CSMD1: variants seen among roughly 807,000 people sequenced by gnomAD.
CSMD1 encodes CUB and sushi domain-containing protein 1.
In CSMD1, 213 loss-of-function variants were observed where a neutral mutation model predicts 417.5. The observed-to-expected ratio is 0.51, with a 90% CI of 0.46 to 0.57. The LOEUF (loss-of-function observed/expected upper bound fraction) is 0.57. Among genes scored for constraint, CSMD1 ranks in the 20% least tolerant of loss-of-function variants. CSMD1 has a pLI of 0.00. For synonymous variants in CSMD1, 2,862 were observed against 1,736.8 expected, an observed-to-expected ratio of 1.65 and a Z score of -16.11; for missense variants, 6,923 against 4,529.7, an observed-to-expected ratio of 1.53 and a Z score of -15.17.
intron 3 of CSMD1, among the ~76,000 whole-genome samples, chr8:4,099,911 C>G (rs1277376001): frequency 1.3e-5 from 2 of 152,088 alleles, no homozygotes; most frequent in East Asian, 3.9e-4. Context: ...GGAGACTTTT[C>G]TAACAAAAAA....
intron 2 of CSMD1, among the ~76,000 whole-genome samples, chr8:4,505,826 A>G (rs1054563598): frequency 3.3e-5 from 5 of 151,270 alleles, no homozygotes; most frequent in Admixed American, 6.6e-5. Context: ...TTTTAGATAG[A>G]GTCTCACTCT....
intron 5 of CSMD1, among the ~76,000 whole-genome samples, chr8:3,968,992 T>C (rs970327852): frequency 1.7e-4 from 26 of 152,200 alleles, no homozygotes; most frequent in Admixed American, 5.2e-4. Flanking sequence ...GGCTCATACC[T>C]GTACTATCAG....
intron 1 of CSMD1, among the ~76,000 whole-genome samples, chr8:4,683,142 C>G (rs948129202): frequency 2.6e-5 from 4 of 151,468 alleles, no homozygotes; most frequent in Non-Finnish European, 5.9e-5. Context: ...TTAGTATGGT[C>G]AGTTCTGATC....
intron 4 of CSMD1, among the ~76,000 whole-genome samples, chr8:4,003,968 G>C (rs573936314): frequency 6.6e-6 from 1 of 151,874 alleles, no homozygotes; most frequent in Non-Finnish European, 1.5e-5. Flanking sequence ...CCATCAACTG[G>C]AAAACATTCA....
intron 3 of CSMD1, among the ~76,000 whole-genome samples, chr8:4,064,449 A>G (rs539691875): frequency 1.1e-4 from 16 of 152,238 alleles, no homozygotes; most frequent in Non-Finnish European, 2.1e-4. Context: ...CAAGTTTTAA[A>G]TTTTCATATA....
At chr8:3,346,800 C>G (rs539629813) in intron 22 of CSMD1, among the ~76,000 whole-genome samples, 11 of 152,302 alleles carry the variant, frequency 7.2e-5, no homozygotes, top group South Asian at 2.1e-4. Context: ...GTTGACAATA[C>G]TGAATCTAAA....
At chr8:3,068,106 A>G (rs1813068757) in intron 49 of CSMD1, among the ~76,000 whole-genome samples, 1 of 152,144 alleles carries the variant, frequency 6.6e-6, no homozygotes, top group Non-Finnish European at 1.5e-5. Context: ...TAATGCCTCA[A>G]TTATTTCAGA....
At chr8:3,994,781 T>C (rs763322401) in intron 5 of CSMD1, among the ~76,000 whole-genome samples, 20 of 152,208 alleles carry the variant, frequency 1.3e-4, no homozygotes, top group Non-Finnish European at 2.9e-4. Flanking sequence ...ACTTAAAACA[T>C]AGCTCAGTGG....
chr8:4,192,864 T>C lies in CSMD1; in HGVS notation c.416-160765A>G, dbSNP rs201250408. ...CAAGATCACTCATGTTCCTGTATTC[T>C]GTCCTTCTAGGAACTTGATTCCATA... is the stretch of plus-strand genomic sequence containing the variant. On this transcript the variant is annotated intron_variant, in intron 3 of 69. Coordinates refer to ENST00000635120, the MANE Select transcript of CSMD1 (RefSeq NM_033225.6). 2.3e-3 allele frequency among the ~76,000 whole-genome samples: 354 copies of C among 152,318 alleles called. 3 individuals carry two copies. Among genetic ancestry groups the C allele is most frequent in the African/African-American group, 8.1e-3 (337 of 41,566 alleles).
intron 2 of CSMD1, among the ~76,000 whole-genome samples, chr8:4,528,633 G>T (rs1005979178): frequency 6.6e-6 from 1 of 152,106 alleles, no homozygotes; most frequent in African/African-American, 2.4e-5. Context: ...TGATGTATAG[G>T]TTTATGGCAT....
intron 5 of CSMD1, among the ~76,000 whole-genome samples, chr8:3,977,608 G>C (rs554628081): frequency 6.6e-6 from 1 of 152,196 alleles, no homozygotes; most frequent in South Asian, 2.1e-4. Flanking sequence ...TTTTCAAAGT[G>C]AGTGCTAAGA....
At chr8:3,089,190 G>A (rs1814752467) in intron 48 of CSMD1, among the ~76,000 whole-genome samples, 1 of 152,208 alleles carries the variant, frequency 6.6e-6, no homozygotes, top group Non-Finnish European at 1.5e-5. Flanking sequence ...CTTCCACTCT[G>A]CTGGTGCAGC....
At chr8:3,702,750 G>T (rs900220) in intron 7 of CSMD1, among the ~76,000 whole-genome samples, 145,649 of 152,278 alleles carry the variant, frequency 0.96, 69,723 homozygotes, top group East Asian at 1. Flanking sequence ...GAGAATCGCT[G>T]GAACCTGGGA....
intron 58 of CSMD1, 74 bp downstream of exon 58, chr8:2,966,496 T>C: frequency 1.4e-6 from 2 of 1,401,266 alleles, no homozygotes; most frequent in Non-Finnish European, 2.0e-6. Context: ...TATAACACCT[T>C]AAAGTCATTT....
intron 57 of CSMD1, among the ~76,000 whole-genome samples, chr8:2,971,548 C>T (rs530744823): frequency 1.9e-4 from 29 of 152,170 alleles, no homozygotes; most frequent in East Asian, 1.5e-3. Context: ...TGCCTCATAT[C>T]GGGAAGATAG....
chr8:3,336,868 C>G (rs1008438031), intron 23 of CSMD1, among the ~76,000 whole-genome samples: 1 of 152,114 alleles, frequency 6.6e-6, no homozygotes, highest in African/African-American at 2.4e-5. Flanking sequence ...TGTAGCATGT[C>G]TGAGATGGTC....
intron 1 of CSMD1, among the ~76,000 whole-genome samples, chr8:4,715,504 T>C (rs1035624431): frequency 1.3e-5 from 2 of 152,170 alleles, no homozygotes; most frequent in East Asian, 3.9e-4. Flanking sequence ...TCCTCAAATC[T>C]GTATCTCCAG....
intron 3 of CSMD1, among the ~76,000 whole-genome samples, chr8:4,408,523 T>G (rs1377288262): frequency 1.3e-5 from 2 of 152,350 alleles, no homozygotes; most frequent in East Asian, 3.9e-4. Context: ...AAACAATTCT[T>G]GGACATAAAG....
At chr8:4,005,427 G>C (rs757282086) in intron 4 of CSMD1, among the ~76,000 whole-genome samples, 1 of 152,182 alleles carries the variant, frequency 6.6e-6, no homozygotes, top group African/African-American at 2.4e-5. Context: ...ATTAGACACA[G>C]ACAAGTGCTT....
Sources: allele counts gnomAD v4.1 joint callset (sites outside exome capture counted in the v4.1 genomes callset), GRCh38; gene constraint gnomAD v4.1.1; transcripts MANE v1.5; gene names NCBI Gene and HGNC (gene_info 2026-07-23, HGNC 2026-07-21).